Variants in TACR1 observed in about 807,000 individuals in gnomAD.
The protein encoded by TACR1 is tachykinin receptor 1, also known as substance-P receptor.
A neutral mutation model predicts 35.8 loss-of-function variants in TACR1; 25 were observed. The observed-to-expected ratio is 0.70, with a 90% CI of 0.51 to 0.98. TACR1 has a LOEUF of 0.98. Among genes scored for constraint, TACR1 ranks in the 50% least tolerant of loss-of-function variants. The probability of loss-of-function intolerance (pLI) is 0.00; values close to 1 mark genes in which losing one functional copy is unlikely to be tolerated. For synonymous variants in TACR1, 195 were observed against 206.7 expected, an observed-to-expected ratio of 0.94 and a Z score of 0.48; for missense variants, 478 against 522.9, an observed-to-expected ratio of 0.91 and a Z score of 0.84.
At chr2:75,049,863 GA>G (rs907398538) in intron 4 of TACR1, 140 bp from the exon 5 acceptor site, 128 of 1,068,556 alleles carry the variant, frequency 1.2e-4, no homozygotes, top group Non-Finnish European at 2.9e-5. Context: ...GACAGCTGGA[GA>G]TGCTGAGGCC....
intron 1 of TACR1, among the ~76,000 whole-genome samples, chr2:75,157,767 C>T (rs1674898811): frequency 6.6e-6 from 1 of 152,090 alleles, no homozygotes; most frequent in African/African-American, 2.4e-5. Flanking sequence ...ATATTTCATT[C>T]TGTTCTTTCA....
At chr2:75,090,926 C>T in intron 2 of TACR1, 1 of 153,296 alleles carries the variant, frequency 6.5e-6, no homozygotes, top group Non-Finnish European at 1.5e-5. Context: ...TGTTATCTCT[C>T]AGACTGGTCT....
chr2:75,066,475 A>G (rs1018421481), intron 2 of TACR1, among the ~76,000 whole-genome samples: 2 of 152,236 alleles, frequency 1.3e-5, no homozygotes, highest in African/African-American at 4.8e-5. Context: ...AGCATTTTAT[A>G]ATGGCAGATA....
At chr2:75,171,004 G>A (rs558336131) in intron 1 of TACR1, among the ~76,000 whole-genome samples, 16 of 152,302 alleles carry the variant, frequency 1.1e-4, no homozygotes, top group South Asian at 6.2e-4. Context: ...AATTCAAGCC[G>A]GCTGCAGAAA....
intron 2 of TACR1, among the ~76,000 whole-genome samples, chr2:75,061,117 G>C (rs1672664027): frequency 6.6e-6 from 1 of 151,864 alleles, no homozygotes; most frequent in Non-Finnish European, 1.5e-5. Flanking sequence ...ACCATAAGAA[G>C]ACAAGCGGAT....
chr2:75,124,596 A>G (rs550915311), intron 1 of TACR1, among the ~76,000 whole-genome samples: 1 of 152,346 alleles, frequency 6.6e-6, no homozygotes, highest in East Asian at 1.9e-4. Flanking sequence ...TCTGGGAAAG[A>G]CAGATATTAC....
intron 2 of TACR1, among the ~76,000 whole-genome samples, chr2:75,063,633 T>C (rs1672709172): frequency 6.6e-6 from 1 of 152,224 alleles, no homozygotes; most frequent in Non-Finnish European, 1.5e-5. Context: ...TGGGTTTTTC[T>C]TCTGTTTCCT....
At chr2:75,123,478 G>A (rs1674011932) in intron 1 of TACR1, among the ~76,000 whole-genome samples, 1 of 152,252 alleles carries the variant, frequency 6.6e-6, no homozygotes, top group South Asian at 2.1e-4. Context: ...CTCCAAATGG[G>A]TGGCAGAAAG....
chr2:75,195,088 T>A (rs150152899), intron 1 of TACR1, among the ~76,000 whole-genome samples: 1 of 152,310 alleles, frequency 6.6e-6, no homozygotes, highest in East Asian at 1.9e-4. Flanking sequence ...GTGTCCCCCA[T>A]CTTCAAATTT....
intron 1 of TACR1, among the ~76,000 whole-genome samples, chr2:75,194,853 G>A (rs960696728): frequency 3.3e-5 from 5 of 152,264 alleles, no homozygotes; most frequent in Middle Eastern, 3.4e-3. Flanking sequence ...TCTGGACCTC[G>A]CTGTTGCTCC....
chr2:75,189,987 G>T (rs1291938634), intron 1 of TACR1: 1 of 152,150 alleles, frequency 6.6e-6, no homozygotes, highest in Non-Finnish European at 1.5e-5. Context: ...TTAGTTGGAA[G>T]TATTCTATCT....
intron 1 of TACR1, among the ~76,000 whole-genome samples, chr2:75,178,375 G>C (rs930924873): frequency 6.6e-6 from 1 of 151,916 alleles, no homozygotes; most frequent in Non-Finnish European, 1.5e-5. Flanking sequence ...AGTAGAGACG[G>C]GGTTTCACCA....
At chr2:75,176,586 G>A (rs1464249551) in intron 1 of TACR1, among the ~76,000 whole-genome samples, 1 of 152,068 alleles carries the variant, frequency 6.6e-6, no homozygotes, top group Non-Finnish European at 1.5e-5. Context: ...ATTTCTGGGG[G>A]AGGCCGCTAG....
intron 1 of TACR1, among the ~76,000 whole-genome samples, chr2:75,194,892 G>A (rs575058239): frequency 6.6e-6 from 1 of 152,230 alleles, no homozygotes; most frequent in South Asian, 2.1e-4. Context: ...TTCAAATCAG[G>A]TTATCTGTTG....
chr2:75,150,573 C>T (rs1382819522), intron 1 of TACR1, among the ~76,000 whole-genome samples: 1 of 151,470 alleles, frequency 6.6e-6, no homozygotes, highest in Non-Finnish European at 1.5e-5. Flanking sequence ...GATTGTGAGG[C>T]CTCCCCAGCC....
At chr2:75,137,600 G>T (rs1674319878) in intron 1 of TACR1, among the ~76,000 whole-genome samples, 1 of 151,512 alleles carries the variant, frequency 6.6e-6, no homozygotes. Context: ...GTGGTGGCGG[G>T]CGACTGTAGT....
chr2:75,125,549 A>G (rs560161422), intron 1 of TACR1, among the ~76,000 whole-genome samples: 17 of 152,204 alleles, frequency 1.1e-4, no homozygotes, highest in Admixed American at 1.0e-3. Context: ...TGGCCTGCCC[A>G]GGTGCTGAGG....
intron 1 of TACR1, among the ~76,000 whole-genome samples, chr2:75,185,343 C>G (rs1321122272): frequency 6.6e-6 from 1 of 151,298 alleles, no homozygotes; most frequent in African/African-American, 2.4e-5. Flanking sequence ...TGCATAATAA[C>G]AAAGAGAAAG....
chr2:75,132,118 G>A (rs187850748), intron 1 of TACR1, among the ~76,000 whole-genome samples: 6 of 152,264 alleles, frequency 3.9e-5, no homozygotes, highest in African/African-American at 1.4e-4. Context: ...TTAGAGGAAA[G>A]AATCTTTTGA....
Sources: gnomAD v4.1 joint callset for allele counts (sites outside exome capture counted in the v4.1 genomes callset) on GRCh38, gnomAD v4.1.1 for gene constraint, MANE v1.5 for transcripts, NCBI Gene and HGNC (gene_info 2026-07-23, HGNC 2026-07-21) for gene names.